The following COL12A1 variants were observed in gnomAD, a reference collection of about 807,000 sequenced individuals.
COL12A1 encodes collagen alpha-1(XII) chain.
A neutral mutation model predicts 349.7 loss-of-function variants in COL12A1; 114 were observed. The observed-to-expected ratio is 0.33, with a 90% CI of 0.28 to 0.38. The LOEUF is 0.38. COL12A1 is among the 10% of genes least tolerant of loss of function. The pLI, the probability that COL12A1 is intolerant of heterozygous loss-of-function variation, is 1.00. For synonymous variants in COL12A1, 1,369 were observed against 1,329.0 expected (o/e 1.03, Z -0.66); for missense variants, 3,284 against 3,756.9 (o/e 0.87, Z 3.29).
intron 58 of COL12A1, among the ~76,000 whole-genome samples, chr6:75,100,430 A>G (rs1768254872): frequency 6.6e-6 from 1 of 152,092 alleles, no homozygotes; most frequent in Admixed American, 6.5e-5. Flanking sequence ...AATAAAGAAG[A>G]CTGACTTGTC....
intron 21 of COL12A1, among the ~76,000 whole-genome samples, chr6:75,150,792 T>TG (rs1767441236): frequency 6.6e-6 from 1 of 152,020 alleles, no homozygotes; most frequent in Non-Finnish European, 1.5e-5. Context: ...ATATGTTGTG[T>TG]GGGGGAGGGT....
intron 40 of COL12A1, 31 bp downstream of exon 40, chr6:75,125,096 T>C: frequency 1.3e-6 from 2 of 1,555,026 alleles, no homozygotes; most frequent in East Asian, 2.3e-5. Flanking sequence ...CTACAGTTTT[T>C]CTCACAACCA....
At chr6:75,139,472 T>C (rs557823953) in intron 27 of COL12A1, among the ~76,000 whole-genome samples, 1 of 152,332 alleles carries the variant, frequency 6.6e-6, no homozygotes, top group East Asian at 1.9e-4. Context: ...GTTGTTCTGA[T>C]ACCCAAAGGA....
At chr6:75,123,078 G>A (rs1225775238) in intron 43 of COL12A1, among the ~76,000 whole-genome samples, 1 of 152,168 alleles carries the variant, frequency 6.6e-6, no homozygotes, top group Non-Finnish European at 1.5e-5. Flanking sequence ...ACCTAAATCT[G>A]TAAAACTGAG....
At chr6:75,113,834 A>T (rs1768954552) in intron 49 of COL12A1, 90 bp from the exon 50 acceptor site, 1 of 994,142 alleles carries the variant, frequency 1.0e-6, no homozygotes, top group African/African-American at 1.6e-5. Flanking sequence ...TCAAGAACAG[A>T]TACTCTTTTA....
chr6:75,136,830 A>G (rs2149393211), intron 31 of COL12A1, among the ~76,000 whole-genome samples: 1 of 152,310 alleles, frequency 6.6e-6, no homozygotes, highest in Non-Finnish European at 1.5e-5. Flanking sequence ...AAAATGGACA[A>G]AGGTTCTATT....
intron 17 of COL12A1, among the ~76,000 whole-genome samples, chr6:75,153,098 A>AT (rs1034876202): frequency 1.3e-5 from 2 of 152,118 alleles, no homozygotes; most frequent in Non-Finnish European, 2.9e-5. Context: ...GTAAAGATAT[A>AT]TTTTTTAAAC....
At chr6:75,134,934 A>G (rs1766510857) in intron 31 of COL12A1, 79 bp from the exon 32 acceptor site, 1 of 1,458,590 alleles carries the variant, frequency 6.9e-7, no homozygotes. Context: ...CTCTTTCTAC[A>G]GGGAAGCTGT....
Position 75,181,183 on chromosome 6 carries a change from A to G in COL12A1, c.1920T>C (p.Phe640=), listed in dbSNP as rs960559000. 6.2e-7 allele frequency: 1 copy of G among 1,612,244 alleles called. No individual in the cohort carries two copies. The highest frequency in any genetic ancestry group is 2.2e-5 in the East Asian group (1 of 44,788). ...TGAAACCATAAGAAGTCACTTCTGA[A>G]AAACTAAGATCCTTTGGAGGGACGT... ...KAYVPPKDLS[F]SEVTSYGFKT... The change falls in exon 11 of 66, where the codon TTT becomes TTC. Residue 640 remains phenylalanine, a synonymous_variant. Transcript: ENST00000322507.
intron 59 of COL12A1, among the ~76,000 whole-genome samples, chr6:75,095,644 A>G (rs1357355441): frequency 6.7e-6 from 1 of 150,208 alleles, no homozygotes; most frequent in Admixed American, 6.6e-5. Flanking sequence ...AAAAAAAAAA[A>G]AAAAAAAGAT....
intron 27 of COL12A1, among the ~76,000 whole-genome samples, chr6:75,141,777 T>C (rs1029764149): frequency 1.3e-5 from 2 of 152,232 alleles, no homozygotes; most frequent in Non-Finnish European, 2.9e-5. Flanking sequence ...CATACACAGG[T>C]GCACATCAAG....
intron 59 of COL12A1, among the ~76,000 whole-genome samples, chr6:75,096,312 TA>T (rs1768021524): frequency 6.6e-6 from 1 of 152,226 alleles, no homozygotes; most frequent in Non-Finnish European, 1.5e-5. Context: ...CCCCATTACC[TA>T]AAGATCTATA....
chr6:75,196,555 G>C (rs111732750), intron 2 of COL12A1, among the ~76,000 whole-genome samples: 2 of 152,122 alleles, frequency 1.3e-5, no homozygotes, highest in Non-Finnish European at 2.9e-5. Flanking sequence ...AGTGAGATTA[G>C]ACTATTAATC....
intron 21 of COL12A1, among the ~76,000 whole-genome samples, chr6:75,149,323 T>A (rs1767360619): frequency 6.6e-6 from 1 of 152,108 alleles, no homozygotes; most frequent in Non-Finnish European, 1.5e-5. Flanking sequence ...TATACTCATG[T>A]CTTCTCTCCT....
At chr6:75,166,585 A>G (rs1024064675) in intron 13 of COL12A1, among the ~76,000 whole-genome samples, 1 of 152,170 alleles carries the variant, frequency 6.6e-6, no homozygotes, top group Non-Finnish European at 1.5e-5. Flanking sequence ...CCATATTTTA[A>G]ATGTAAGATA....
chr6:75,157,750 A>G (rs1019825852), intron 14 of COL12A1, among the ~76,000 whole-genome samples: 2 of 152,164 alleles, frequency 1.3e-5, no homozygotes, highest in African/African-American at 2.4e-5. Context: ...TAGGATAATC[A>G]GTGCACATGT....
chr6:75,159,133 A>T (rs1212015169), intron 14 of COL12A1, among the ~76,000 whole-genome samples: 1 of 151,802 alleles, frequency 6.6e-6, no homozygotes, highest in Non-Finnish European at 1.5e-5. Context: ...ATATTTTTTT[A>T]AAAACACATA....
chr6:75,172,407 A>C (rs1011922864), intron 13 of COL12A1, among the ~76,000 whole-genome samples: 8 of 152,238 alleles, frequency 5.3e-5, no homozygotes, highest in African/African-American at 1.9e-4. Flanking sequence ...AATGAATACC[A>C]GAAGGCTAAA....
chr6:75,115,951 G>A (rs772817721), intron 48 of COL12A1, 29 bp from the exon 49 acceptor site: 31 of 1,611,664 alleles, frequency 1.9e-5, no homozygotes, highest in South Asian at 3.3e-5. Context: ...AATATTAAAC[G>A]GAGTACATTT....
Sources: gnomAD v4.1 joint callset for allele counts (sites outside exome capture counted in the v4.1 genomes callset) on GRCh38, gnomAD v4.1.1 for gene constraint, MANE v1.5 for transcripts, NCBI Gene and HGNC (gene_info 2026-07-23, HGNC 2026-07-21) for gene names.